Variants in MTR observed in about 807,000 individuals in gnomAD.
MTR encodes 5-methyltetrahydrofolate-homocysteine methyltransferase.
In MTR, 84 loss-of-function variants were observed where a neutral mutation model predicts 154.8. That is an observed-to-expected ratio of 0.54 (90% CI 0.45 to 0.65). The LOEUF (loss-of-function observed/expected upper bound fraction) is 0.65. MTR is among the 30% of genes least tolerant of loss of function. MTR has a pLI of 0.00. For missense variants in MTR, 1,275 were observed against 1,570.2 expected, an observed-to-expected ratio of 0.81 and a Z score of 3.18; for synonymous variants, 554 against 553.9, an observed-to-expected ratio of 1.00 and a Z score of 0.00.
chr1:236,844,479 T>A (rs1214371992), intron 15 of MTR, among the ~76,000 whole-genome samples: 1 of 68,060 alleles, frequency 1.5e-5, no homozygotes, highest in African/African-American at 3.7e-5. Flanking sequence ...TGTGTGTGTG[T>A]GTGTGTGTGT....
intron 19 of MTR, 39 bp downstream of exon 19, chr1:236,859,961 A>C (rs1664425484): frequency 6.4e-7 from 1 of 1,554,602 alleles, no homozygotes; most frequent in East Asian, 2.3e-5. Flanking sequence ...CTGGAGGCTC[A>C]TCATGGCTGA....
chr1:236,799,963 A>G (rs1049774101), intron 1 of MTR: 4 of 786,184 alleles, frequency 5.1e-6, no homozygotes, highest in Non-Finnish European at 4.6e-6. Flanking sequence ...CGGTGGCTCA[A>G]CAAACAAGAT....
intron 3 of MTR, among the ~76,000 whole-genome samples, chr1:236,807,252 C>T (rs759764221): frequency 5.3e-5 from 8 of 152,194 alleles, no homozygotes; most frequent in Non-Finnish European, 1.2e-4. Context: ...CGGCTCACTG[C>T]AACCTCCGCC....
chr1:236,822,647 G>T (rs1379842204), intron 8 of MTR, among the ~76,000 whole-genome samples: 2 of 152,042 alleles, frequency 1.3e-5, no homozygotes, highest in African/African-American at 2.4e-5. Flanking sequence ...CTCATATCTG[G>T]TATATAAGTA....
At chr1:236,796,847 C>A (rs977159008) in intron 1 of MTR, among the ~76,000 whole-genome samples, 1 of 151,612 alleles carries the variant, frequency 6.6e-6, no homozygotes, top group African/African-American at 2.4e-5. Flanking sequence ...AATAAATGAT[C>A]ATAGGGAGAT....
In MTR at chr1:236,800,171, G is replaced by A. The variant is rs140191114; in HGVS notation, c.35-3257G>A. On this transcript the variant is annotated intron_variant, in intron 1 of 32. Coordinates refer to ENST00000366577, the MANE Select transcript of MTR (RefSeq NM_000254.3). ...AGATTTGCTCAACTTGTGTGCACTC[G>A]CTCAGTGGAGGAGATAGGAAGAAGG... The A allele has an allele frequency of 2.2e-4, 213 of 985,340 alleles. No individual in the cohort carries two copies. The African/African-American group carries it at 3.3e-3, about 15-fold the overall frequency. The allele number at this position is 985,340 out of a possible 1,614,324, so 61.0% of individuals were successfully genotyped here.
intron 9 of MTR, among the ~76,000 whole-genome samples, chr1:236,824,534 C>A (rs1662170405): frequency 6.6e-6 from 1 of 152,170 alleles, no homozygotes; most frequent in African/African-American, 2.4e-5. Flanking sequence ...AGAAGAGAGA[C>A]CCCTTTCTCT....
At chr1:236,895,857 G>C (rs1666595392) in intron 31 of MTR, among the ~76,000 whole-genome samples, 1 of 152,184 alleles carries the variant, frequency 6.6e-6, no homozygotes, top group South Asian at 2.1e-4. Context: ...CACAGGCATG[G>C]TGATGTCTTT....
intron 32 of MTR, among the ~76,000 whole-genome samples, 192 bp downstream of exon 32, chr1:236,897,310 G>GCGCGCGCGCGCGCGCACACA: frequency 1.6e-5 from 2 of 128,612 alleles, no homozygotes; most frequent in East Asian, 2.3e-4. Flanking sequence ...CCACACACAC[G>GCGCGCGCGCGCGCGCACACA]CACACACACA....
intron 20 of MTR, 72 bp downstream of exon 20, chr1:236,861,349 A>T: frequency 6.2e-7 from 1 of 1,602,104 alleles, no homozygotes; most frequent in East Asian, 2.2e-5. Context: ...GCGATTTGGG[A>T]TATATTTCTC....
chr1:236,894,256 CT>C (rs1377179697), intron 29 of MTR, 100 bp from the exon 30 acceptor site: 37 of 1,144,452 alleles, frequency 3.2e-5, no homozygotes, highest in Non-Finnish European at 4.6e-5. Context: ...CGTTGTGAAG[CT>C]TATTCTCATT....
Position 236,808,729 on chromosome 1 carries a change from C to T in MTR, c.365C>T (p.Ala122Val), listed in dbSNP as rs557603489. 2.5e-6 allele frequency: 4 copies of T among 1,614,186 alleles called. No individual in the cohort carries two copies. The East Asian group carries it at 8.9e-5, about 36-fold the overall frequency. ...GCCTACCGGATGAACATGTGCTCTG[C>T]AGGAGTGGCCAGAAAAGCTGCCGAG... ...HLAYRMNMCS[A>V]GVARKAAEEV... is the part of the protein sequence containing the mutation. Residue 122 changes from alanine (A) to valine (V), a missense_variant, in exon 4 of 33, where the codon GCA becomes GTA. Coordinates refer to ENST00000366577, the MANE Select transcript of MTR (RefSeq NM_000254.3).
intron 9 of MTR, 91 bp downstream of exon 9, chr1:236,824,310 G>T: frequency 9.0e-7 from 1 of 1,111,656 alleles, no homozygotes; most frequent in Non-Finnish European, 1.4e-6. Context: ...AAAAGATCTT[G>T]TTTTGCCGGT....
chr1:236,852,733 C>T, intron 17 of MTR, 96 bp downstream of exon 17: 1 of 1,212,552 alleles, frequency 8.2e-7, no homozygotes, highest in Non-Finnish European at 1.2e-6. Context: ...GGCCTGCTGC[C>T]AGTTTCTGTA....
chr1:236,872,398 C>T lies in MTR; in HGVS notation c.2406-1375C>T, dbSNP rs144637211. Among the ~76,000 whole-genome samples the T allele has an allele frequency of 2.5e-3, 379 of 152,226 alleles. 4 individuals carry two copies. Among genetic ancestry groups the T allele is most frequent in the African/African-American group, 8.1e-3 (335 of 41,546 alleles). On this transcript the variant is annotated intron_variant, in intron 22 of 32. Coordinates refer to ENST00000366577, the MANE Select transcript of MTR (RefSeq NM_000254.3). Reference sequence around the variant, plus strand: ...TGAATCACTCTCCCTCTTTTTCTTGCGTTAAGTAATCAGAGTTCCCTGACA... The same window carrying T: ...TGAATCACTCTCCCTCTTTTTCTTGTGTTAAGTAATCAGAGTTCCCTGACA...
intron 18 of MTR, 71 bp from the exon 19 acceptor site, chr1:236,859,762 G>C: frequency 8.2e-7 from 1 of 1,226,766 alleles, no homozygotes; most frequent in Non-Finnish European, 1.2e-6. Flanking sequence ...TTGTTTGTTT[G>C]TTTGTTTTGC....
rs765288116 is a variant in MTR, at chr1:236,838,601, T to G, written c.1515+2T>G. ...ATGGCTTTTGATGAAGAAGGACAGGTGAGTGGTTTCTTTTGGCCTAATCCA... is the reference window on the plus strand; with the variant it reads ...ATGGCTTTTGATGAAGAAGGACAGGGGAGTGGTTTCTTTTGGCCTAATCCA... On this transcript the variant is annotated splice_donor_variant, in intron 15 of 32. Coordinates refer to ENST00000366577, the MANE Select transcript of MTR (RefSeq NM_000254.3). LOFTEE classifies it high-confidence loss of function. The G allele has an allele frequency of 6.2e-7, 1 of 1,614,002 alleles. No homozygotes were observed. Among genetic ancestry groups the G allele is most frequent in the Non-Finnish European group, 8.5e-7 (1 of 1,179,946 alleles).
chr1:236,889,402 C>T (rs941679940), intron 28 of MTR, 66 bp downstream of exon 28: 3 of 1,600,176 alleles, frequency 1.9e-6, no homozygotes, highest in African/African-American at 2.7e-5. Flanking sequence ...ACTTTGAAGA[C>T]CGGAATCGGT....
In MTR at chr1:236,803,712, G is replaced by C. The variant is rs981169875; in HGVS notation, c.249+70G>C. ...GCAAGCTGTTTCATGTATCAGGGCA[G>C]GCTGCTATGCCGAGTGCTCCGGAGA... On this transcript the variant is annotated intron_variant, in intron 2 of 32. Coordinates refer to ENST00000366577, the MANE Select transcript of MTR (RefSeq NM_000254.3). The C allele has an allele frequency of 2.1e-6, 3 of 1,456,126 alleles. No homozygotes were observed. The African/African-American group carries it at 4.2e-5, about 20-fold the overall frequency. The allele number at this position is 1,456,126 out of a possible 1,614,324, so 90.2% of individuals were successfully genotyped here.
Sources: allele counts gnomAD v4.1 joint callset (sites outside exome capture counted in the v4.1 genomes callset), GRCh38; gene constraint gnomAD v4.1.1; transcripts MANE v1.5; gene names NCBI Gene and HGNC (gene_info 2026-07-23, HGNC 2026-07-21).